Variants in PMS2 observed in about 807,000 individuals in gnomAD.
PMS2 encodes PMS1 homolog 2, mismatch repair system component.
PMS2 carries 69 observed loss-of-function variants against 90.0 expected under a neutral mutation model. The observed-to-expected ratio is 0.77, with a 90% CI of 0.63 to 0.94. The LOEUF is 0.94. PMS2 is among the 40% of genes least tolerant of loss of function. PMS2 has a pLI of 0.00. For missense variants in PMS2, 966 were observed against 1,040.2 expected, an observed-to-expected ratio of 0.93 and a Z score of 0.98; for synonymous variants, 332 against 375.1, an observed-to-expected ratio of 0.89 and a Z score of 1.33.
chr7:6,008,516 A>G (rs1321175630), intron 1 of PMS2, among the ~76,000 whole-genome samples: 6 of 152,162 alleles, frequency 3.9e-5, no homozygotes, highest in Admixed American at 2.6e-4. Context: ...TTGAGGGGCC[A>G]AGGCGGGCGG....
chr7:5,994,066 C>T (rs1226911067), intron 8 of PMS2, among the ~76,000 whole-genome samples: 2 of 151,562 alleles, frequency 1.3e-5, no homozygotes, highest in African/African-American at 2.4e-5. Context: ...GATACAAACA[C>T]ACTCACGTAT....
intron 8 of PMS2, among the ~76,000 whole-genome samples, chr7:5,994,286 C>A (rs959925842): frequency 6.6e-6 from 1 of 151,652 alleles, no homozygotes; most frequent in Non-Finnish European, 1.5e-5. Flanking sequence ...GAGGCTGAGG[C>A]AGGAGAATCG....
At chr7:6,008,016 T>G (rs190174571) in intron 1 of PMS2, among the ~76,000 whole-genome samples, 1 of 152,026 alleles carries the variant, frequency 6.6e-6, no homozygotes, top group Non-Finnish European at 1.5e-5. Flanking sequence ...CCCGCCATCA[T>G]GCCCAGTTAA....
intron 12 of PMS2, among the ~76,000 whole-genome samples, chr7:5,982,452 C>T (rs1381455673): frequency 6.6e-6 from 1 of 152,096 alleles, no homozygotes; most frequent in Non-Finnish European, 1.5e-5. Flanking sequence ...GATCTGCCCA[C>T]CTCGGCCTCC....
chr7:6,000,271 G>T (rs1784949466), intron 5 of PMS2, among the ~76,000 whole-genome samples: 4 of 151,768 alleles, frequency 2.6e-5, no homozygotes, highest in Middle Eastern at 6.8e-3. Context: ...CTACTTGGGA[G>T]GCTGAAGTGG....
rs571905086 is a variant in PMS2 at position 5,985,534 on chromosome 7, C to T, written c.2006+1225G>A. 9.7e-4 allele frequency among the ~76,000 whole-genome samples: 146 copies of T among 150,622 alleles called. 1 individual carries two copies. Among genetic ancestry groups the T allele is most frequent in the Middle Eastern group, 3.4e-3 (1 of 294 alleles). Reference sequence around the variant, plus strand: ...AGAGGGAGAGTCCTCAGAAAAGGAACTCTTTTTTTCTTTTTTCTTTTTCTT... The same window carrying T: ...AGAGGGAGAGTCCTCAGAAAAGGAATTCTTTTTTTCTTTTTTCTTTTTCTT... On this transcript the variant is annotated intron_variant, in intron 11 of 14. Coordinates refer to ENST00000265849, the MANE Select transcript of PMS2 (RefSeq NM_000535.7).
At chr7:5,995,479 T>C (rs1348244024) in intron 8 of PMS2, 55 bp downstream of exon 8, 31 of 1,083,070 alleles carry the variant, frequency 2.9e-5, no homozygotes, top group Non-Finnish European at 3.7e-5. Flanking sequence ...AAAAAAGTTA[T>C]CAATTAAAAG....
chr7:5,991,351 A>G (rs1460347447), intron 9 of PMS2, among the ~76,000 whole-genome samples: 3 of 152,008 alleles, frequency 2.0e-5, no homozygotes. Flanking sequence ...AAGTATCTAG[A>G]AAAAATACTC....
intron 14 of PMS2, among the ~76,000 whole-genome samples, chr7:5,975,597 C>T (rs1461655868): frequency 1.1e-4 from 3 of 27,790 alleles, no homozygotes; most frequent in African/African-American, 4.5e-4. Flanking sequence ...AGTGCAGTTG[C>T]GTGATGTTGG....
At chr7:5,994,197 T>C (rs1418958624) in intron 8 of PMS2, among the ~76,000 whole-genome samples, 1 of 148,980 alleles carries the variant, frequency 6.7e-6, no homozygotes, top group African/African-American at 2.5e-5. Flanking sequence ...CCTGGCCACA[T>C]GGTGAAATTC....
Position 5,973,208 on chromosome 7 carries a change from T to G in PMS2, c.*191A>C, listed in dbSNP as rs748686106. 3.1e-5 allele frequency: 16 copies of G among 511,884 alleles called. 1 individual carries two copies. Among genetic ancestry groups the G allele is most frequent in the South Asian group, 1.8e-4 (10 of 54,452 alleles). The allele number at this position is 511,884 out of a possible 1,614,324, so 31.7% of individuals were successfully genotyped here. On this transcript the variant is annotated 3_prime_UTR_variant, in exon 15 of 15. Transcript: ENST00000265849. ...ACACACACACGAGCGCATGCAAACA[T>G]AGAGAAAAAAAATTTGCAAGCAATG...
In PMS2 at chr7:5,981,595, G is replaced by A. The variant is rs572793860; in HGVS notation, c.2174+1229C>T. On this transcript the variant is annotated intron_variant, in intron 12 of 14. Transcript: ENST00000265849. ...TACTCTACTGTCAATCAACACTGGCGCACAGGCTGTCTGTCTTTCTGAACA... is the reference window on the plus strand; with the variant it reads ...TACTCTACTGTCAATCAACACTGGCACACAGGCTGTCTGTCTTTCTGAACA... Among the ~76,000 whole-genome samples, 91 of 150,398 alleles carry A rather than the reference G, an allele frequency of 6.1e-4. 3 individuals carry two copies. The highest frequency in any genetic ancestry group is 2.1e-3 in the African/African-American group (87 of 40,538).
intron 9 of PMS2, among the ~76,000 whole-genome samples, chr7:5,991,693 G>A (rs1484920782): frequency 6.6e-6 from 1 of 151,882 alleles, no homozygotes; most frequent in Non-Finnish European, 1.5e-5. Flanking sequence ...CAAAAAATTA[G>A]CCAGGTGTGG....
intron 4 of PMS2, among the ~76,000 whole-genome samples, 191 bp from the exon 5 acceptor site, chr7:6,002,827 A>AC (rs748431530): frequency 4.0e-4 from 61 of 152,222 alleles, no homozygotes; most frequent in Non-Finnish European, 7.3e-4. Context: ...AGACAGTGAG[A>AC]CAGAGAGCAC....
chr7:5,988,073 A>C lies in PMS2; in HGVS notation c.1145-453T>G, dbSNP rs536021178. On this transcript the variant is annotated intron_variant, in intron 10 of 14. Coordinates refer to ENST00000265849, the MANE Select transcript of PMS2 (RefSeq NM_000535.7). ...GTCTCAAAAAAAAAAAAAAAAAAAAAAAAAACCACAACACAATGCAATATG... is the reference window on the plus strand; with the variant it reads ...GTCTCAAAAAAAAAAAAAAAAAAAACAAAAACCACAACACAATGCAATATG... Among the ~76,000 whole-genome samples the C allele has an allele frequency of 6.1e-3, 924 of 150,378 alleles. 12 individuals are homozygous for C. The highest frequency in any genetic ancestry group is 0.022 in the African/African-American group (886 of 40,650).
rs587779342 is a variant in PMS2 at position 5,999,199 on chromosome 7, T to G, written c.614A>C (p.Gln205Pro). 60 of 1,614,082 alleles carry G rather than the reference T, an allele frequency of 3.7e-5. No homozygotes were observed. The highest frequency in any genetic ancestry group is 5.0e-5 in the Non-Finnish European group (59 of 1,179,988). Residue 205 changes from glutamine (Q) to proline (P), a missense_variant, in exon 6 of 15, where the codon CAG becomes CCG. Coordinates refer to ENST00000265849, the MANE Select transcript of PMS2 (RefSeq NM_000535.7). Reference sequence around the variant, plus strand: ...AGGCTGTCGTTTTCCTTGTCCAAGCTGATTGGTGCAACTTACACGGATGCC... The same window carrying G: ...AGGCTGTCGTTTTCCTTGTCCAAGCGGATTGGTGCAACTTACACGGATGCC... ...SAGIRVSCTNQLGQGKRQPVV... is the reference protein window; with the variant it reads ...SAGIRVSCTNPLGQGKRQPVV...
Position 5,990,286 on chromosome 7 carries a change from GCGT to G in PMS2, c.989-334_989-332del, listed in dbSNP as rs1169170981. ...GCCTCCCAAAGTTCTGGGATTACAG[GCGT>G]GAGCCACCGCGCCCAGCCAAATTCA... is the stretch of plus-strand genomic sequence containing the variant. On this transcript the variant is annotated intron_variant, in intron 9 of 14. Coordinates refer to ENST00000265849, the MANE Select transcript of PMS2 (RefSeq NM_000535.7). Among the ~76,000 whole-genome samples the G allele has an allele frequency of 2.6e-5, 4 of 152,324 alleles. No homozygotes were observed. In the East Asian group the frequency reaches 7.7e-4, roughly 29 times the overall value.
intron 6 of PMS2, among the ~76,000 whole-genome samples, chr7:5,997,967 T>G (rs1320188990): frequency 2.6e-5 from 4 of 152,086 alleles, no homozygotes; most frequent in Non-Finnish European, 4.4e-5. Context: ...CCACAATAAC[T>G]TATATTTTTT....
At chr7:5,992,117 T>C in intron 8 of PMS2, 60 bp from the exon 9 acceptor site, 1 of 885,038 alleles carries the variant, frequency 1.1e-6, no homozygotes, top group Non-Finnish European at 1.9e-6. Flanking sequence ...CCCCCCGCAT[T>C]CTAACAACAT....
Sources: gnomAD v4.1 joint callset for allele counts (sites outside exome capture counted in the v4.1 genomes callset) on GRCh38, gnomAD v4.1.1 for gene constraint, MANE v1.5 for transcripts, NCBI Gene and HGNC (gene_info 2026-07-23, HGNC 2026-07-21) for gene names.